PARL: variants seen among roughly 807,000 people sequenced by gnomAD.
The protein encoded by PARL is presenilin associated rhomboid like, also known as presenilin-associated rhomboid-like protein, mitochondrial.
A neutral mutation model predicts 51.6 loss-of-function variants in PARL; 44 were observed. That is an observed-to-expected ratio of 0.85 (90% CI 0.67 to 1.10). PARL has a LOEUF of 1.10. Ranked by LOEUF, PARL falls within the 50% of genes least tolerant of loss-of-function variation. The pLI is 0.00. For missense variants in PARL, 441 were observed against 469.5 expected (o/e 0.94, Z 0.56); for synonymous variants, 172 against 164.0 (o/e 1.05, Z -0.37).
chr3:183,827,008 T>C (rs1362733721), downstream of PARL, among the ~76,000 whole-genome samples: 4 of 151,944 alleles, frequency 2.6e-5, no homozygotes, highest in African/African-American at 7.3e-5. Context: ...CAGGTCAGCA[T>C]GAGAGGGAGG....
intron 1 of PARL, among the ~76,000 whole-genome samples, chr3:183,882,376 CAT>C (rs1242242300): frequency 8.2e-5 from 11 of 133,844 alleles, no homozygotes; most frequent in South Asian, 2.4e-4. Context: ...TATACACACA[CAT>C]ATATACATAT....
chr3:183,869,455 G>C (rs376064576), intron 1 of PARL, among the ~76,000 whole-genome samples: 1 of 151,970 alleles, frequency 6.6e-6, no homozygotes, highest in Non-Finnish European at 1.5e-5. Flanking sequence ...TGATCCACCC[G>C]CATTGGCCTC....
intron 7 of PARL, among the ~76,000 whole-genome samples, chr3:183,834,185 C>T (rs938776958): frequency 1.4e-4 from 22 of 152,200 alleles, no homozygotes; most frequent in African/African-American, 1.9e-4. Context: ...GGCATGAATA[C>T]GCCCAAAGAA....
chr3:183,866,906 GA>G (rs1315900356), intron 2 of PARL, 141 bp from the exon 3 acceptor site: 1 of 657,360 alleles, frequency 1.5e-6, no homozygotes, highest in Admixed American at 2.8e-5. Flanking sequence ...CCTAATAAGT[GA>G]AAAGGGCTTT....
intron 9 of PARL, among the ~76,000 whole-genome samples, chr3:183,831,186 G>T (rs967522228): frequency 3.3e-4 from 50 of 152,130 alleles, no homozygotes; most frequent in Non-Finnish European, 4.3e-4. Flanking sequence ...ATATTGGTCA[G>T]GCTGGTCTCG....
At chr3:183,867,075 G>A (rs564267790) in intron 2 of PARL, among the ~76,000 whole-genome samples, 9 of 152,036 alleles carry the variant, frequency 5.9e-5, no homozygotes, top group South Asian at 2.1e-4. Flanking sequence ...CTCCAGGCCC[G>A]GCTAATTTTT....
In PARL at chr3:183,878,257, G is replaced by C. The variant is rs1447530593; in HGVS notation, c.125+6465C>G. ...TACCATGACAGAGGGAGTGTTCCAA[G>C]TGGGCAAAGGCAAAAGCTGCAAGGT... On this transcript the variant is annotated intron_variant, in intron 1 of 9. Coordinates refer to ENST00000317096, the MANE Select transcript of PARL (RefSeq NM_018622.7). Among the ~76,000 whole-genome samples the C allele has an allele frequency of 2.6e-5, 4 of 152,286 alleles. No individual in the cohort carries two copies. In the East Asian group the frequency reaches 7.7e-4, roughly 29 times the overall value.
chr3:183,870,338 A>G (rs1476252135), intron 1 of PARL, among the ~76,000 whole-genome samples: 1 of 150,074 alleles, frequency 6.7e-6, no homozygotes, highest in Non-Finnish European at 1.5e-5. Context: ...TATTCAATTA[A>G]AAGCCAACTC....
downstream of PARL, chr3:183,829,248 G>T: frequency 2.5e-6 from 1 of 397,888 alleles, no homozygotes. Flanking sequence ...AGGCACTGGA[G>T]GGTCCAAAGA....
intron 4 of PARL, among the ~76,000 whole-genome samples, chr3:183,856,875 A>G (rs2108649976): frequency 6.6e-6 from 1 of 152,344 alleles, no homozygotes; most frequent in African/African-American, 2.4e-5. Flanking sequence ...TTAAATGTAT[A>G]TTCTTTGACC....
chr3:183,843,787 C>T lies in PARL; in HGVS notation c.607+444G>A, dbSNP rs921752241. On this transcript the variant is annotated intron_variant, in intron 5 of 9. Transcript: ENST00000317096. The stretch of plus-strand genomic sequence containing the variant: ...CGGAGCTTGCAGTGAGCTGAGATCA[C>T]GCCACTGCACTCCAGCCGAGCCAGG... Among the ~76,000 whole-genome samples the T allele has an allele frequency of 3.9e-5, 6 of 152,042 alleles. No homozygotes were observed. In the East Asian group the frequency reaches 5.8e-4, roughly 15 times the overall value.
At chr3:183,847,166 G>C (rs1294369200) in intron 4 of PARL, among the ~76,000 whole-genome samples, 9 of 152,226 alleles carry the variant, frequency 5.9e-5, no homozygotes, top group African/African-American at 2.2e-4. Context: ...GAGTCCAGCA[G>C]AAGTGACTCT....
intron 1 of PARL, among the ~76,000 whole-genome samples, chr3:183,873,107 G>A (rs1733398591): frequency 6.6e-6 from 1 of 152,194 alleles, no homozygotes. Context: ...CCTGGAGATA[G>A]GTCTAGTAAG....
At chr3:183,854,619 G>C (rs1577333946) in intron 4 of PARL, among the ~76,000 whole-genome samples, 2 of 151,792 alleles carry the variant, frequency 1.3e-5, no homozygotes, top group East Asian at 3.9e-4. Flanking sequence ...AATGAGTAGA[G>C]TTTCAGATCT....
In PARL at chr3:183,845,555, T is replaced by C. The variant is rs2108619976; in HGVS notation, c.512-1229A>G. Among the ~76,000 whole-genome samples, 5 of 152,344 alleles carry C rather than the reference T, an allele frequency of 3.3e-5. No individual in the cohort carries two copies. In the South Asian group the frequency reaches 1.0e-3, roughly 32 times the overall value. On this transcript the variant is annotated intron_variant, in intron 4 of 9. Coordinates refer to ENST00000317096, the MANE Select transcript of PARL (RefSeq NM_018622.7). ...GACTGTGACAGCATTATACCACCTT[T>C]GGTAAATAATTACCCAGAACTCTTT... is the stretch of plus-strand genomic sequence containing the variant.
At position 183,866,674 on chromosome 3, in the gene PARL, T is replaced by G; in HGVS notation, c.413A>C (p.Asp138Ala). ...VQSYFDGIKA[D>A]WLDSIRPQKE... ...TTGTGGTCTTATGCTATCCAACCAA[T>G]CAGCTTTTATACCATCAAAATAACT... Residue 138 changes from aspartate to alanine, a missense_variant, in exon 3 of 10, where the codon GAT becomes GCT. Physicochemically the swap from Asp to Ala is moderately radical, Grantham distance 126. Transcript: ENST00000317096. The G allele has an allele frequency of 6.2e-7, 1 of 1,612,344 alleles. No individual in the cohort carries two copies.
chr3:183,860,257 A>C (rs1171873229), intron 4 of PARL, among the ~76,000 whole-genome samples: 1 of 152,186 alleles, frequency 6.6e-6, no homozygotes, highest in Admixed American at 6.5e-5. Context: ...GACAAGACAT[A>C]CTAAATAAAC....
At chr3:183,833,222 G>C (rs1728158033) in intron 9 of PARL, among the ~76,000 whole-genome samples, 1 of 152,168 alleles carries the variant, frequency 6.6e-6, no homozygotes, top group South Asian at 2.1e-4. Context: ...CTTCTAAGAG[G>C]GGGCTGGGAA....
At chr3:183,874,298 C>T (rs1733543010) in intron 1 of PARL, among the ~76,000 whole-genome samples, 1 of 152,080 alleles carries the variant, frequency 6.6e-6, no homozygotes, top group African/African-American at 2.4e-5. Flanking sequence ...CCCCCTATTC[C>T]TTGGAACACA....
Sources: gnomAD v4.1 joint callset for allele counts (sites outside exome capture counted in the v4.1 genomes callset) on GRCh38, gnomAD v4.1.1 for gene constraint, MANE v1.5 for transcripts, NCBI Gene and HGNC (gene_info 2026-07-23, HGNC 2026-07-21) for gene names.